SLCO3A1: variants seen among roughly 807,000 people sequenced by gnomAD.
SLCO3A1 encodes PGE1 transporter.
SLCO3A1 carries 27 observed loss-of-function variants against 63.1 expected under a neutral mutation model. That is an observed-to-expected ratio of 0.43 (90% CI 0.32 to 0.59). The LOEUF (loss-of-function observed/expected upper bound fraction) is 0.59. SLCO3A1 is among the 20% of genes least tolerant of loss of function. The probability of loss-of-function intolerance (pLI) is 0.09; values close to 1 mark genes in which losing one functional copy is unlikely to be tolerated. For synonymous variants in SLCO3A1, 473 were observed against 409.9 expected (o/e 1.15, Z -1.86); for missense variants, 773 against 945.8 (o/e 0.82, Z 2.40).
At chr15:92,089,121 G>A (rs2047441191) in intron 2 of SLCO3A1, among the ~76,000 whole-genome samples, 1 of 151,982 alleles carries the variant, frequency 6.6e-6, no homozygotes, top group African/African-American at 2.4e-5. Context: ...CGCCTCCTGG[G>A]TTCACGCCAT....
In SLCO3A1 at chr15:91,959,306, A is replaced by T. The variant is rs1049278026; in HGVS notation, c.646+42848A>T. Among the ~76,000 whole-genome samples the T allele has an allele frequency of 5.3e-5, 8 of 152,102 alleles. 1 individual carries two copies. In the Middle Eastern group the frequency reaches 9.5e-3, roughly 181 times the overall value. ...AGGTTGGAAGGCGGGTGAGGGATAA[A>T]AGACAACATATTGGTACAGTGAACA... On this transcript the variant is annotated intron_variant, in intron 2 of 9. Transcript: ENST00000318445.
At chr15:92,040,204 C>T (rs9806198) in intron 2 of SLCO3A1, among the ~76,000 whole-genome samples, 37,888 of 151,958 alleles carry the variant, frequency 0.25, 4,818 homozygotes, top group East Asian at 0.38. Context: ...TCCCAGAACT[C>T]AAAGTAAAAA....
In SLCO3A1 at chr15:91,941,658, G is replaced by A. The variant is rs529627006; in HGVS notation, c.646+25200G>A. Reference sequence around the variant, plus strand: ...TGGGTTTTGTACTTTTTCTTACTCGGGATGTTTGTTTCTCTTTGTCTTTAA... The same window carrying A: ...TGGGTTTTGTACTTTTTCTTACTCGAGATGTTTGTTTCTCTTTGTCTTTAA... On this transcript the variant is annotated intron_variant, in intron 2 of 9. Transcript: ENST00000318445. This position sits in a 1 kb window ranked among gnomAD's most constrained non-coding sequence, Gnocchi z 4.4. 5.2e-6 allele frequency: 2 copies of A among 384,714 alleles called. No individual in the cohort carries two copies. The highest frequency in any genetic ancestry group is 3.5e-5 in the Admixed American group (1 of 28,716). The allele number at this position is 384,714 out of a possible 1,614,324, so 23.8% of individuals were successfully genotyped here.
At chr15:91,953,082 G>C (rs963867138) in intron 2 of SLCO3A1, among the ~76,000 whole-genome samples, 16 of 152,200 alleles carry the variant, frequency 1.1e-4, no homozygotes, top group African/African-American at 3.9e-4. Context: ...CTCAAAGAAG[G>C]ATTTCTCATT....
intron 2 of SLCO3A1, among the ~76,000 whole-genome samples, chr15:92,048,950 C>G (rs1036030346): frequency 2.6e-5 from 4 of 152,202 alleles, no homozygotes; most frequent in African/African-American, 7.2e-5. Flanking sequence ...ACTGAATGCT[C>G]ACATAACTCC....
At chr15:92,031,181 A>G (rs563433058) in intron 2 of SLCO3A1, among the ~76,000 whole-genome samples, 33 of 152,328 alleles carry the variant, frequency 2.2e-4, no homozygotes, top group African/African-American at 7.7e-4. Flanking sequence ...TAAGGAAGAG[A>G]AAAGACAAAA....
At chr15:92,092,146 C>T (rs1401238241) in intron 2 of SLCO3A1, among the ~76,000 whole-genome samples, 1 of 152,190 alleles carries the variant, frequency 6.6e-6, no homozygotes, top group Non-Finnish European at 1.5e-5. Flanking sequence ...CTAGTCCTCA[C>T]TTTCAACTGT....
rs375375221 is a variant in SLCO3A1 at position 92,080,579 on chromosome 15, GAGA to G, written c.647-14299_647-14297del. 2.0e-3 allele frequency among the ~76,000 whole-genome samples: 306 copies of G among 152,298 alleles called. 3 individuals carry two copies. The highest frequency in any genetic ancestry group is 0.016 in the South Asian group (75 of 4,824). On this transcript the variant is annotated intron_variant, in intron 2 of 9. Transcript: ENST00000318445. ...TTGATGCACCGCTAGGGCCCTGGAG[GAGA>G]AGGAGAAACTGGGTTGAAGACCAGC... is the stretch of plus-strand genomic sequence containing the variant.
At chr15:92,012,896 TC>T (rs2046384670) in intron 2 of SLCO3A1, among the ~76,000 whole-genome samples, 1 of 152,192 alleles carries the variant, frequency 6.6e-6, no homozygotes, top group South Asian at 2.1e-4. Context: ...GAGAAGTACT[TC>T]ATGAAAAAGA....
intron 1 of SLCO3A1, among the ~76,000 whole-genome samples, chr15:91,879,398 G>C (rs772049540): frequency 7.9e-5 from 12 of 151,894 alleles, no homozygotes; most frequent in South Asian, 2.1e-4. Context: ...GTGAGGGTTA[G>C]TAACATCTAC....
chr15:91,931,316 G>A (rs548304569), intron 2 of SLCO3A1, among the ~76,000 whole-genome samples: 5 of 152,226 alleles, frequency 3.3e-5, no homozygotes, highest in South Asian at 2.1e-4. Context: ...TGATGTCTCC[G>A]AACTGGCCAT....
At chr15:92,074,486 G>A (rs960004242) in intron 2 of SLCO3A1, among the ~76,000 whole-genome samples, 1 of 152,176 alleles carries the variant, frequency 6.6e-6, no homozygotes, top group East Asian at 1.9e-4. Context: ...TCTCAGGTGG[G>A]CCTTAAGGAC....
At chr15:91,920,538 G>C (rs1229410417) in intron 2 of SLCO3A1, among the ~76,000 whole-genome samples, 1 of 152,172 alleles carries the variant, frequency 6.6e-6, no homozygotes, top group Non-Finnish European at 1.5e-5. Flanking sequence ...TTGCACCCCT[G>C]TTTCATAGTG....
intron 2 of SLCO3A1, among the ~76,000 whole-genome samples, chr15:91,979,655 G>T (rs1401094156): frequency 1.3e-5 from 2 of 152,158 alleles, no homozygotes; most frequent in Non-Finnish European, 2.9e-5. Context: ...CCACTTACTA[G>T]CTATGTGACC....
intron 2 of SLCO3A1, among the ~76,000 whole-genome samples, chr15:91,931,955 T>C (rs1260379292): frequency 6.6e-6 from 1 of 152,220 alleles, no homozygotes; most frequent in Non-Finnish European, 1.5e-5. Context: ...AGACTTTTAG[T>C]GTAAAATCAA....
chr15:92,154,418 T>TGCTGTTGCACACTTGAAATGTGGC (rs2048346120), intron 9 of SLCO3A1, among the ~76,000 whole-genome samples: 1 of 152,150 alleles, frequency 6.6e-6, no homozygotes, highest in Admixed American at 6.5e-5. Flanking sequence ...GTACCACAGG[T>TGCTGTTGCACACTTGAAATGTGGC]GCTGTTGCAC....
chr15:92,034,842 G>A (rs1452207310), intron 2 of SLCO3A1, among the ~76,000 whole-genome samples: 3 of 151,958 alleles, frequency 2.0e-5, no homozygotes, highest in African/African-American at 7.2e-5. Context: ...ACGCTTCCAT[G>A]TATCAATTCT....
intron 2 of SLCO3A1, among the ~76,000 whole-genome samples, chr15:92,067,090 A>G (rs1385831455): frequency 1.3e-5 from 2 of 152,208 alleles, no homozygotes; most frequent in African/African-American, 4.8e-5. Context: ...AGAAATGTTG[A>G]GGACCAGTCT....
At chr15:91,925,878 C>T (rs942973365) in intron 2 of SLCO3A1, among the ~76,000 whole-genome samples, 1 of 152,164 alleles carries the variant, frequency 6.6e-6, no homozygotes, top group African/African-American at 2.4e-5. Flanking sequence ...CCTTAGAATC[C>T]TAGTCACTTG....
Sources: allele counts gnomAD v4.1 joint callset (sites outside exome capture counted in the v4.1 genomes callset), GRCh38; gene constraint gnomAD v4.1.1; non-coding constraint Gnocchi (gnomAD v3.1); transcripts MANE v1.5; gene names NCBI Gene and HGNC (gene_info 2026-07-23, HGNC 2026-07-21).